Variants in ESR2 observed in about 807,000 individuals in gnomAD.
The protein encoded by ESR2 is estrogen receptor beta.
In ESR2, 36 loss-of-function variants were observed where a neutral mutation model predicts 49.6. That is an observed-to-expected ratio of 0.73 (90% CI 0.56 to 0.96). The LOEUF is 0.96. Ranked by LOEUF, ESR2 falls within the 40% of genes least tolerant of loss-of-function variation. The pLI, the probability that ESR2 is intolerant of heterozygous loss-of-function variation, is 0.00. For synonymous variants in ESR2, 320 were observed against 266.1 expected, an observed-to-expected ratio of 1.20 and a Z score of -1.97; for missense variants, 714 against 693.0, an observed-to-expected ratio of 1.03 and a Z score of -0.34.
chr14:64,240,902 T>C (rs1253526143), intron 7 of ESR2, among the ~76,000 whole-genome samples: 2 of 151,992 alleles, frequency 1.3e-5, no homozygotes, highest in African/African-American at 4.8e-5. Context: ...CCCAGCACTT[T>C]GGGAGGCCGA....
At chr14:64,272,859 G>T (rs976160705) in intron 3 of ESR2, among the ~76,000 whole-genome samples, 16 of 152,036 alleles carry the variant, frequency 1.1e-4, no homozygotes, top group African/African-American at 3.4e-4. Flanking sequence ...TGGATCTTTT[G>T]TGGTTCCATA....
At chr14:64,272,582 GAGAT>G (rs765611511) in intron 3 of ESR2, among the ~76,000 whole-genome samples, 15 of 152,186 alleles carry the variant, frequency 9.9e-5, no homozygotes, top group Admixed American at 2.6e-4. Context: ...TATATGGTGA[GAGAT>G]AGGGATCTAG....
intron 1 of ESR2, among the ~76,000 whole-genome samples, chr14:64,303,892 A>G (rs899852198): frequency 2.0e-5 from 3 of 152,242 alleles, no homozygotes; most frequent in Admixed American, 2.0e-4. Context: ...AGATACATTG[A>G]GAAGAAAATC....
At chr14:64,252,813 T>G (rs2076015085) in intron 6 of ESR2, among the ~76,000 whole-genome samples, 1 of 152,104 alleles carries the variant, frequency 6.6e-6, no homozygotes, top group Admixed American at 6.6e-5. Flanking sequence ...AGATGAGATT[T>G]GCTGGGGACA....
chr14:64,295,778 GC>G (rs1453499033), upstream of ESR2, among the ~76,000 whole-genome samples: 2 of 152,238 alleles, frequency 1.3e-5, no homozygotes, highest in East Asian at 3.9e-4. Context: ...AGGCATGGTG[GC>G]TCACACCTAT....
At position 64,264,876 on chromosome 14, in the gene ESR2, C is replaced by CA. The variant is rs5809224; in HGVS notation, c.652+3918dup. 6.3e-3 allele frequency among the ~76,000 whole-genome samples: 755 copies of CA among 119,244 alleles called. 7 individuals are homozygous for CA. The highest frequency in any genetic ancestry group is 0.048 in the East Asian group (202 of 4,248). 78.2% of individuals were successfully genotyped at this position (119,244 alleles called of 152,430 possible). On this transcript the variant is annotated intron_variant, in intron 4 of 8. Transcript: ENST00000341099. ...GCTGCAGCAGAGTGATACCCTGTCTCAAAAAAAAAAAAAGAAAAAAAAAAA... is the reference window on the plus strand; with the variant it reads ...GCTGCAGCAGAGTGATACCCTGTCTCAAAAAAAAAAAAAAGAAAAAAAAAAA...
At chr14:64,235,231 C>T in intron 7 of ESR2, 81 bp from the exon 8 acceptor site, 1 of 1,465,118 alleles carries the variant, frequency 6.8e-7, no homozygotes, top group East Asian at 2.3e-5. Context: ...CGTGCGCCTG[C>T]TCCGAGGTGA....
rs756030287 is a variant in ESR2 at position 64,233,247 on chromosome 14, G to T, written c.1483C>A (p.Leu495Met). Residue 495 changes from leucine (L) to methionine (M), a missense_variant, in exon 9 of 9, where the codon CTG becomes ATG. Leu to Met is a conservative substitution (Grantham distance 15, BLOSUM62 2). Transcript: ENST00000341099. ...VPVYDLLLEM[L>M]NAHVLRGCKS... Reference sequence around the variant, plus strand: ...CACCCGCGAAGCACGTGGGCATTCAGCATCTCCAGCAGCAGGTCATACACT... The same window carrying T: ...CACCCGCGAAGCACGTGGGCATTCATCATCTCCAGCAGCAGGTCATACACT... 7.4e-6 allele frequency: 12 copies of T among 1,614,084 alleles called. No homozygotes were observed. Among genetic ancestry groups the T allele is most frequent in the Non-Finnish European group, 9.3e-6 (11 of 1,180,038 alleles).
chr14:64,297,147 G>T (rs1324646294), upstream of ESR2, among the ~76,000 whole-genome samples: 1 of 152,158 alleles, frequency 6.6e-6, no homozygotes, highest in Non-Finnish European at 1.5e-5. Context: ...AGGACTGCCT[G>T]TCTCCAAAAT....
intron 3 of ESR2, among the ~76,000 whole-genome samples, chr14:64,272,911 T>C (rs184169453): frequency 1.3e-5 from 2 of 152,308 alleles, no homozygotes; most frequent in East Asian, 3.9e-4. Flanking sequence ...GAAAATATCA[T>C]TGGTATTTTG....
In ESR2 at chr14:64,302,303, C is replaced by T. The variant is rs567540230; in HGVS notation, c.-90-19228G>A. On this transcript the variant is annotated intron_variant, in intron 1 of 8. Transcript: ENST00000358599. The stretch of plus-strand genomic sequence containing the variant: ...CCGGGTTCATGCCATTCTCCTGCCT[C>T]GGCCTCCCAAATAGCTGGGACTACA... 4.6e-5 allele frequency among the ~76,000 whole-genome samples: 7 copies of T among 151,974 alleles called. No individual in the cohort carries two copies. The South Asian group carries it at 1.5e-3, about 32-fold the overall frequency.
intron 7 of ESR2, among the ~76,000 whole-genome samples, chr14:64,244,935 C>G (rs1455657759): frequency 6.6e-6 from 1 of 152,206 alleles, no homozygotes; most frequent in Non-Finnish European, 1.5e-5. Flanking sequence ...GGGCTCTCCT[C>G]GTTTGTGTCC....
At chr14:64,303,088 C>T (rs1394259542) in intron 1 of ESR2, among the ~76,000 whole-genome samples, 1 of 152,224 alleles carries the variant, frequency 6.6e-6, no homozygotes, top group East Asian at 1.9e-4. Context: ...GCATGAGCCA[C>T]CGCGCCCAGC....
chr14:64,313,552 A>G (rs1157061828), intron 1 of ESR2, among the ~76,000 whole-genome samples: 2 of 149,638 alleles, frequency 1.3e-5, no homozygotes, highest in Non-Finnish European at 1.5e-5. Context: ...AAAAGAAAAG[A>G]AAAGGAAAGA....
chr14:64,257,281 G>A lies in ESR2; in HGVS notation c.1036C>T (p.Arg346Cys), dbSNP rs200264592. The A allele has an allele frequency of 1.2e-5, 19 of 1,614,088 alleles. No homozygotes were observed. Among genetic ancestry groups the A allele is most frequent in the Admixed American group, 1.7e-5 (1 of 60,024 alleles). ...MEVLMMGLMW[R>C]SIDHPGKLIF... ...AGCTTGCCGGGGTGGTCAATTGAGC[G>A]CCACATCAGCCCCATCATTAACACC... Residue 346 changes from arginine to cysteine, a missense_variant, in exon 6 of 9, where the codon CGC becomes TGC. Transcript: ENST00000341099.
At chr14:64,318,942 G>A (rs2077292999) in intron 1 of ESR2, among the ~76,000 whole-genome samples, 1 of 152,182 alleles carries the variant, frequency 6.6e-6, no homozygotes, top group Non-Finnish European at 1.5e-5. Context: ...TAGGGAGGCT[G>A]AGATGGGAGG....
chr14:64,284,665 AC>A, intron 1 of ESR2, among the ~76,000 whole-genome samples: 1 of 151,960 alleles, frequency 6.6e-6, no homozygotes, highest in East Asian at 1.9e-4. Context: ...GTAATTCATC[AC>A]TTTCTTTCCC....
chr14:64,243,827 A>G (rs1287598090), intron 7 of ESR2, among the ~76,000 whole-genome samples: 1 of 152,134 alleles, frequency 6.6e-6, no homozygotes, highest in Non-Finnish European at 1.5e-5. Flanking sequence ...TGGTATCCTC[A>G]TAAGCATGGG....
Position 64,241,862 on chromosome 14 carries a change from CT to C in ESR2, c.1226-6713del, listed in dbSNP as rs551676690. Among the ~76,000 whole-genome samples, 6 of 152,322 alleles carry C rather than the reference CT, an allele frequency of 3.9e-5. No homozygotes were observed. The East Asian group carries it at 1.2e-3, about 29-fold the overall frequency. On this transcript the variant is annotated intron_variant, in intron 7 of 8. Transcript: ENST00000341099. ...TTTAAATAAAGACTTTCACTTCTAC[CT>C]TTCCAATATTGATGCCTTTTACCTC...
Sources: allele counts gnomAD v4.1 joint callset (sites outside exome capture counted in the v4.1 genomes callset), GRCh38; gene constraint gnomAD v4.1.1; transcripts MANE v1.5; gene names NCBI Gene and HGNC (gene_info 2026-07-23, HGNC 2026-07-21).